Variants in PRRX1 observed in about 807,000 individuals in gnomAD.
PRRX1 encodes the protein paired mesoderm homeobox protein 1.
In PRRX1, 8 loss-of-function variants were observed where a neutral mutation model predicts 24.0. The observed-to-expected ratio is 0.33, with a 90% confidence interval of 0.20 to 0.60. The LOEUF is 0.60. Ranked by LOEUF, PRRX1 falls within the 20% of genes least tolerant of loss-of-function variation. The probability of loss-of-function intolerance (pLI) is 0.82; values close to 1 mark genes in which losing one functional copy is unlikely to be tolerated. For missense variants in PRRX1, 281 were observed against 322.4 expected (o/e 0.87, Z 0.98); for synonymous variants, 160 against 131.7 (o/e 1.22, Z -1.47).
At chr1:170,723,587 T>C (rs1210453396) in intron 2 of PRRX1, among the ~76,000 whole-genome samples, 3 of 152,228 alleles carry the variant, frequency 2.0e-5, no homozygotes, top group African/African-American at 7.2e-5. Context: ...TGATCATGAA[T>C]TGGATGTCCT....
chr1:170,685,334 G>T (rs1653693039), intron 1 of PRRX1, among the ~76,000 whole-genome samples: 1 of 152,118 alleles, frequency 6.6e-6, no homozygotes, highest in African/African-American at 2.4e-5. Flanking sequence ...CCACAGCCTG[G>T]GAAGTCTTGT....
chr1:170,727,901 C>G (rs774659142), intron 3 of PRRX1: 18 of 152,160 alleles, frequency 1.2e-4, no homozygotes, highest in Non-Finnish European at 1.3e-4. Flanking sequence ...ACTGTAAAAT[C>G]ACATATTCTC....
rs776703585 is a variant in PRRX1 at position 170,736,213 on chromosome 1, A to C, written c.*27A>C. ...GAAAAAAAATAATTAAACAGGCCTAAGAAGAAATCAAAAACCATAAGACAC... is the reference window on the plus strand; with the variant it reads ...GAAAAAAAATAATTAAACAGGCCTACGAAGAAATCAAAAACCATAAGACAC... On this transcript the variant is annotated 3_prime_UTR_variant, in exon 4 of 4. Transcript: ENST00000239461. 1.9e-6 allele frequency: 3 copies of C among 1,613,564 alleles called. No homozygotes were observed. Among genetic ancestry groups the C allele is most frequent in the Non-Finnish European group, 2.5e-6 (3 of 1,179,628 alleles).
At chr1:170,710,846 G>A (rs2101911084) in intron 1 of PRRX1, among the ~76,000 whole-genome samples, 1 of 152,300 alleles carries the variant, frequency 6.6e-6, no homozygotes, top group Middle Eastern at 3.4e-3. Context: ...ACCCATATAG[G>A]CCAGCCCCTC....
intron 1 of PRRX1, among the ~76,000 whole-genome samples, chr1:170,675,117 G>T: frequency 6.6e-6 from 1 of 152,310 alleles, no homozygotes; most frequent in African/African-American, 2.4e-5. Context: ...AGTTCTCCAA[G>T]GATTGTGAAA....
intron 1 of PRRX1, among the ~76,000 whole-genome samples, chr1:170,686,180 A>C (rs1048669424): frequency 2.3e-5 from 1 of 43,002 alleles, no homozygotes; most frequent in African/African-American, 1.1e-4. Flanking sequence ...TTAAGGGTAC[A>C]AAAAAAAAAA....
At position 170,664,135 on chromosome 1, in the gene PRRX1, G is replaced by C. The variant is rs1437210805; in HGVS notation, c.-84G>C. The C allele has an allele frequency of 3.6e-6, 4 of 1,120,262 alleles. No individual in the cohort carries two copies. Among genetic ancestry groups the C allele is most frequent in the Non-Finnish European group, 4.8e-6 (4 of 839,042 alleles). 69.4% of individuals were successfully genotyped at this position (1,120,262 alleles called of 1,614,324 possible). The stretch of plus-strand genomic sequence containing the variant: ...CTACCCCCCTCTTTCTTCCCCACTC[G>C]GCTCCTCTCCCCCCTCGCGCCCACA... On this transcript the variant is annotated 5_prime_UTR_variant, in exon 1 of 4. Coordinates refer to ENST00000239461, the MANE Select transcript of PRRX1 (RefSeq NM_022716.4).
At chr1:170,708,412 T>C (rs1654640895) in intron 1 of PRRX1, among the ~76,000 whole-genome samples, 1 of 152,114 alleles carries the variant, frequency 6.6e-6, no homozygotes, top group Non-Finnish European at 1.5e-5. Flanking sequence ...ACCATATAAT[T>C]AAGGCTTAGG....
chr1:170,700,799 T>C (rs1231480908), intron 1 of PRRX1, among the ~76,000 whole-genome samples: 2 of 151,910 alleles, frequency 1.3e-5, no homozygotes, highest in Non-Finnish European at 2.9e-5. Context: ...GTTCAAAGAG[T>C]CTTAGCATGT....
intron 1 of PRRX1, among the ~76,000 whole-genome samples, chr1:170,707,368 A>G (rs1175132487): frequency 1.3e-5 from 2 of 152,206 alleles, no homozygotes; most frequent in African/African-American, 4.8e-5. Flanking sequence ...CTGAATAGCA[A>G]GAAAGGAAAA....
At chr1:170,713,585 T>A (rs1654813052) in intron 1 of PRRX1, among the ~76,000 whole-genome samples, 1 of 152,156 alleles carries the variant, frequency 6.6e-6, no homozygotes, top group South Asian at 2.1e-4. Flanking sequence ...GGGTTGGCTA[T>A]ATTGAGAAAG....
At chr1:170,694,538 C>T (rs952358317) in intron 1 of PRRX1, among the ~76,000 whole-genome samples, 1 of 152,214 alleles carries the variant, frequency 6.6e-6, no homozygotes, top group Non-Finnish European at 1.5e-5. Flanking sequence ...AAGCTAGTCA[C>T]ACGGGTTGAG....
chr1:170,723,733 T>C (rs1402024566), intron 2 of PRRX1, among the ~76,000 whole-genome samples: 1 of 152,250 alleles, frequency 6.6e-6, no homozygotes, highest in East Asian at 1.9e-4. Flanking sequence ...TCATGGAGTC[T>C]ACTTACACAA....
At chr1:170,703,836 C>T (rs1232028012) in intron 1 of PRRX1, among the ~76,000 whole-genome samples, 1 of 152,138 alleles carries the variant, frequency 6.6e-6, no homozygotes, top group African/African-American at 2.4e-5. Flanking sequence ...CATGTCAGCT[C>T]TTCCCCCTGA....
chr1:170,674,660 ATT>A (rs535200553), intron 1 of PRRX1, among the ~76,000 whole-genome samples: 9 of 145,866 alleles, frequency 6.2e-5, no homozygotes, highest in African/African-American at 2.2e-4. Context: ...CAGTAAGCAA[ATT>A]TTTTTTTTTT....
intron 1 of PRRX1, among the ~76,000 whole-genome samples, chr1:170,665,379 C>T (rs566448511): frequency 6.6e-6 from 1 of 152,218 alleles, no homozygotes; most frequent in East Asian, 1.9e-4. Flanking sequence ...GCAATTGTAT[C>T]CCCATGCCCC....
At position 170,736,594 on chromosome 1, in the gene PRRX1, C is replaced by T. The variant is rs560319042; in HGVS notation, c.*408C>T. ...TATCCAGAATGATTGCCTCTACTGT[C>T]CTCATTGACTTGTTTGAACCTTAGT... On this transcript the variant is annotated 3_prime_UTR_variant, in exon 4 of 4. Transcript: ENST00000239461. 1.3e-5 allele frequency: 3 copies of T among 231,676 alleles called. No individual in the cohort carries two copies. In the South Asian group the frequency reaches 2.2e-4, roughly 17 times the overall value. 14.4% of individuals were successfully genotyped at this position (231,676 alleles called of 1,614,324 possible).
At chr1:170,665,744 T>G (rs1169878992) in intron 1 of PRRX1, among the ~76,000 whole-genome samples, 2 of 152,230 alleles carry the variant, frequency 1.3e-5, no homozygotes, top group Admixed American at 6.5e-5. Context: ...AGAGAGAGCC[T>G]CTGGTGTGCT....
At chr1:170,681,465 A>G (rs560689565) in intron 1 of PRRX1, among the ~76,000 whole-genome samples, 5 of 151,244 alleles carry the variant, frequency 3.3e-5, no homozygotes, top group Admixed American at 6.6e-5. Context: ...TTAAAACTGC[A>G]GATAATCCTG....
Sources: gnomAD v4.1 joint callset for allele counts (sites outside exome capture counted in the v4.1 genomes callset) on GRCh38, gnomAD v4.1.1 for gene constraint, MANE v1.5 for transcripts, NCBI Gene and HGNC (gene_info 2026-07-23, HGNC 2026-07-21) for gene names.